COL25A1: variants seen among roughly 807,000 people sequenced by gnomAD.
COL25A1 encodes collagen alpha-1(XXV) chain.
Under a neutral mutation model 128.4 loss-of-function variants are expected in COL25A1, and 103 were observed. That is an observed-to-expected ratio of 0.80 (90% CI 0.68 to 0.94). COL25A1 has a LOEUF of 0.94. Ranked by LOEUF, COL25A1 falls within the 40% of genes least tolerant of loss-of-function variation. The probability of loss-of-function intolerance (pLI) is 0.00; values close to 1 mark genes in which losing one functional copy is unlikely to be tolerated. For missense variants in COL25A1, 745 were observed against 840.0 expected (o/e 0.89, Z 1.40); for synonymous variants, 279 against 277.2 (o/e 1.01, Z -0.06).
chr4:109,198,289 T>C (rs1776280396), intron 3 of COL25A1, among the ~76,000 whole-genome samples: 1 of 89,224 alleles, frequency 1.1e-5, no homozygotes, highest in South Asian at 5.0e-4. Flanking sequence ...ACTCTGCATA[T>C]TCATTCACAC....
chr4:109,058,525 G>A (rs971601114), intron 3 of COL25A1, among the ~76,000 whole-genome samples: 26 of 151,976 alleles, frequency 1.7e-4, no homozygotes, highest in Non-Finnish European at 3.7e-4. Context: ...AGATAAAAAT[G>A]TTAAACTAAC....
intron 3 of COL25A1, among the ~76,000 whole-genome samples, chr4:109,101,564 T>C (rs556339815): frequency 1.3e-5 from 2 of 152,184 alleles, no homozygotes; most frequent in African/African-American, 2.4e-5. Context: ...AAATCCTCAG[T>C]ATCACTACTC....
At chr4:109,032,722 T>C (rs1758982201) in intron 5 of COL25A1, among the ~76,000 whole-genome samples, 1 of 152,242 alleles carries the variant, frequency 6.6e-6, no homozygotes. Context: ...ACAGGAAATG[T>C]AGCTTAGCAT....
At chr4:108,819,158 C>G (rs145888155) in intron 36 of COL25A1, 94 bp downstream of exon 36, 3 of 903,478 alleles carry the variant, frequency 3.3e-6, no homozygotes, top group Non-Finnish European at 5.1e-6. Flanking sequence ...TCATGTAAAG[C>G]TTGCCCAGAA....
intron 19 of COL25A1, among the ~76,000 whole-genome samples, chr4:108,875,576 G>A (rs1173709070): frequency 2.0e-5 from 3 of 152,184 alleles, no homozygotes; most frequent in Non-Finnish European, 4.4e-5. Flanking sequence ...ATGCTGGAGA[G>A]GATGTGGAGA....
At position 108,889,202 on chromosome 4, in the gene COL25A1, C is replaced by A; in HGVS notation, c.975+19G>T. The A allele has an allele frequency of 1.9e-6, 3 of 1,609,084 alleles. No individual in the cohort carries two copies. The highest frequency in any genetic ancestry group is 2.6e-6 in the Non-Finnish European group (3 of 1,175,508). On this transcript the variant is annotated intron_variant, in intron 18 of 37. Transcript: ENST00000399132. Reference sequence around the variant, plus strand: ...GTGAATATGAGACAGTAGGAACACACTAGAGATAGAGATATTACCTTTTGC... The same window carrying A: ...GTGAATATGAGACAGTAGGAACACAATAGAGATAGAGATATTACCTTTTGC...
intron 36 of COL25A1, among the ~76,000 whole-genome samples, chr4:108,818,990 A>T (rs1302366419): frequency 6.6e-6 from 1 of 152,174 alleles, no homozygotes; most frequent in East Asian, 1.9e-4. Flanking sequence ...TTATTGAAAA[A>T]ATTAATATCC....
At chr4:108,855,191 G>GTTTTTTTTTTTT (rs35873529) in intron 24 of COL25A1, among the ~76,000 whole-genome samples, 7 of 131,958 alleles carry the variant, frequency 5.3e-5, no homozygotes, top group Non-Finnish European at 6.3e-5. Flanking sequence ...TGTTGTTACT[G>GTTTTTTTTTTTT]TTTTTTTTTT....
chr4:109,093,476 A>AC (rs1765132090), intron 3 of COL25A1, among the ~76,000 whole-genome samples: 1 of 150,166 alleles, frequency 6.7e-6, no homozygotes, highest in East Asian at 1.9e-4. Context: ...AAAAAAAAAA[A>AC]CCTTTTTTAA....
At chr4:108,997,267 T>C (rs1754874054) in intron 6 of COL25A1, among the ~76,000 whole-genome samples, 1 of 151,540 alleles carries the variant, frequency 6.6e-6, no homozygotes, top group Non-Finnish European at 1.5e-5. Context: ...ATCAAATAGA[T>C]GCAATAAAAA....
At chr4:108,874,402 G>A (rs1223477040) in intron 19 of COL25A1, among the ~76,000 whole-genome samples, 1 of 152,046 alleles carries the variant, frequency 6.6e-6, no homozygotes, top group Non-Finnish European at 1.5e-5. Context: ...GAGGAAACTG[G>A]AACTATAATG....
At chr4:109,218,039 C>T (rs1015248603) in intron 3 of COL25A1, among the ~76,000 whole-genome samples, 31 of 152,148 alleles carry the variant, frequency 2.0e-4, no homozygotes, top group African/African-American at 7.5e-4. Context: ...GCTCCAGAGC[C>T]TACACCTTTA....
chr4:109,071,024 T>C (rs1339272167), intron 3 of COL25A1, among the ~76,000 whole-genome samples: 1 of 152,126 alleles, frequency 6.6e-6, no homozygotes, highest in African/African-American at 2.4e-5. Context: ...GCTGGAGGCA[T>C]CACGCTACCT....
chr4:109,162,570 C>T (rs114606508), intron 3 of COL25A1, among the ~76,000 whole-genome samples: 114 of 152,300 alleles, frequency 7.5e-4, no homozygotes, highest in African/African-American at 2.3e-3. Context: ...AATGCAAGTT[C>T]CATGCACTGA....
intron 8 of COL25A1, among the ~76,000 whole-genome samples, chr4:108,957,596 T>C (rs930628465): frequency 2.0e-5 from 3 of 152,198 alleles, no homozygotes; most frequent in Non-Finnish European, 4.4e-5. Flanking sequence ...GAATGAATGA[T>C]TGAATTATTT....
chr4:109,252,886 G>C (rs550996541), intron 3 of COL25A1, among the ~76,000 whole-genome samples: 20 of 152,308 alleles, frequency 1.3e-4, no homozygotes, highest in African/African-American at 4.8e-4. Flanking sequence ...TGTAAAGCTG[G>C]CTCAGGTCTT....
At chr4:108,964,106 A>T (rs1252716768) in intron 8 of COL25A1, among the ~76,000 whole-genome samples, 1 of 150,218 alleles carries the variant, frequency 6.7e-6, no homozygotes, top group Non-Finnish European at 1.5e-5. Flanking sequence ...TAAATTAATA[A>T]ATTAATAAAT....
intron 3 of COL25A1, among the ~76,000 whole-genome samples, chr4:109,210,572 G>C (rs1415448418): frequency 6.6e-6 from 1 of 152,144 alleles, no homozygotes; most frequent in Non-Finnish European, 1.5e-5. Context: ...CATTTACACA[G>C]TGGGTGAAGT....
At chr4:108,960,572 T>G (rs996952546) in intron 8 of COL25A1, among the ~76,000 whole-genome samples, 5 of 152,146 alleles carry the variant, frequency 3.3e-5, no homozygotes, top group African/African-American at 1.2e-4. Flanking sequence ...TACAAAGTGC[T>G]GCTATAACTT....
Sources: gnomAD v4.1 joint callset for allele counts (sites outside exome capture counted in the v4.1 genomes callset) on GRCh38, gnomAD v4.1.1 for gene constraint, MANE v1.5 for transcripts, NCBI Gene and HGNC (gene_info 2026-07-23, HGNC 2026-07-21) for gene names.